The following PPP2R2C variants were observed in gnomAD, a reference collection of about 807,000 sequenced individuals.
PPP2R2C encodes protein phosphatase 2 regulatory subunit Bgamma.
A neutral mutation model predicts 45.3 loss-of-function variants in PPP2R2C; 10 were observed. That is an observed-to-expected ratio of 0.22 (90% CI 0.14 to 0.37). The LOEUF is 0.37. PPP2R2C is among the 10% of genes least tolerant of loss of function. PPP2R2C has a pLI of 1.00. For missense variants in PPP2R2C, 308 were observed against 619.7 expected (o/e 0.50, Z 5.34); for synonymous variants, 257 against 245.4 (o/e 1.05, Z -0.44).
chr4:6,414,702 G>T (rs1718449961), intron 1 of PPP2R2C, among the ~76,000 whole-genome samples: 1 of 152,004 alleles, frequency 6.6e-6, no homozygotes, highest in Non-Finnish European at 1.5e-5. Flanking sequence ...GGCTCCTAAT[G>T]TATCCACGAG....
At chr4:6,480,944 C>G (rs1356842581) in intron 2 of PPP2R2C, among the ~76,000 whole-genome samples, 1 of 152,176 alleles carries the variant, frequency 6.6e-6, no homozygotes, top group Non-Finnish European at 1.5e-5. Flanking sequence ...TTTGAATTTC[C>G]TCTTCGATGA....
intron 1 of PPP2R2C, chr4:6,420,979 T>C (rs1287086955): frequency 3.0e-6 from 3 of 985,090 alleles, no homozygotes; most frequent in Admixed American, 6.2e-5. Flanking sequence ...AGCCAAGAGC[T>C]TGGGCAGCTG....
chr4:6,463,467 C>T (rs1353829333), intron 1 of PPP2R2C, among the ~76,000 whole-genome samples: 1 of 152,222 alleles, frequency 6.6e-6, no homozygotes, highest in African/African-American at 2.4e-5. Flanking sequence ...AGCTGGGAAC[C>T]TCTGAGCAGC....
At chr4:6,340,455 C>G (rs1360334650) in intron 6 of PPP2R2C, among the ~76,000 whole-genome samples, 1 of 152,160 alleles carries the variant, frequency 6.6e-6, no homozygotes, top group Non-Finnish European at 1.5e-5. Context: ...TAGTCCCCTT[C>G]CTGTGGTCCC....
chr4:6,358,291 A>T (rs935359056), intron 5 of PPP2R2C, among the ~76,000 whole-genome samples: 1 of 152,258 alleles, frequency 6.6e-6, no homozygotes, highest in Admixed American at 6.5e-5. Flanking sequence ...ATATGTAGAA[A>T]GCTGAAACTG....
chr4:6,342,581 G>A (rs1733539586), intron 6 of PPP2R2C, among the ~76,000 whole-genome samples: 1 of 152,224 alleles, frequency 6.6e-6, no homozygotes, highest in East Asian at 1.9e-4. Flanking sequence ...CCGATTCTAA[G>A]AAATCAGGGT....
intron 1 of PPP2R2C, among the ~76,000 whole-genome samples, chr4:6,437,909 T>G (rs1719970305): frequency 6.6e-6 from 1 of 152,206 alleles, no homozygotes; most frequent in Admixed American, 6.5e-5. Context: ...ACTACAGGCC[T>G]TAGAAGGGAG....
intron 1 of PPP2R2C, among the ~76,000 whole-genome samples, chr4:6,406,364 T>C (rs115761567): frequency 0.01 from 1,536 of 152,356 alleles, 22 homozygotes; most frequent in African/African-American, 0.035. Flanking sequence ...TGATTTGTCT[T>C]CTTTGCTGCT....
At chr4:6,344,019 G>A (rs1359771067) in intron 6 of PPP2R2C, among the ~76,000 whole-genome samples, 1 of 152,238 alleles carries the variant, frequency 6.6e-6, no homozygotes, top group African/African-American at 2.4e-5. Context: ...AGCCGCCAGA[G>A]GTCAGCATGT....
At chr4:6,417,636 G>A (rs1449266481) in intron 1 of PPP2R2C, among the ~76,000 whole-genome samples, 2 of 152,250 alleles carry the variant, frequency 1.3e-5, no homozygotes, top group Non-Finnish European at 2.9e-5. Flanking sequence ...CTCCTGCTGA[G>A]GCTTTCGGGG....
intron 2 of PPP2R2C, among the ~76,000 whole-genome samples, chr4:6,480,269 T>C (rs1267130932): frequency 1.3e-5 from 2 of 152,250 alleles, no homozygotes; most frequent in African/African-American, 4.8e-5. Context: ...CTAAGCATTA[T>C]GTTTTCAGCT....
chr4:6,496,946 C>T (rs113670943), intron 2 of PPP2R2C, among the ~76,000 whole-genome samples: 3,600 of 151,998 alleles, frequency 0.024, 148 homozygotes, highest in African/African-American at 0.082. Flanking sequence ...TACGTATGGA[C>T]GGGGGTGGGA....
intron 1 of PPP2R2C, among the ~76,000 whole-genome samples, chr4:6,553,761 T>C (rs1408245503): frequency 2.0e-5 from 3 of 152,126 alleles, no homozygotes; most frequent in African/African-American, 7.2e-5. Context: ...ACCTTTTTTA[T>C]CAGATGTCAG....
At chr4:6,466,844 G>C (rs1351247067) in intron 1 of PPP2R2C, among the ~76,000 whole-genome samples, 1 of 152,216 alleles carries the variant, frequency 6.6e-6, no homozygotes, top group African/African-American at 2.4e-5. Flanking sequence ...ACCGTGCTCT[G>C]TGACTGCGCC....
At chr4:6,547,876 A>G (rs557663113) in intron 1 of PPP2R2C, among the ~76,000 whole-genome samples, 1 of 152,198 alleles carries the variant, frequency 6.6e-6, no homozygotes, top group Non-Finnish European at 1.5e-5. Flanking sequence ...TCAGATAAGC[A>G]CATAAAAAGA....
At chr4:6,381,134 GAA>G in intron 1 of PPP2R2C, 40 bp from the exon 2 acceptor site, 1 of 1,552,704 alleles carries the variant, frequency 6.4e-7, no homozygotes, top group Non-Finnish European at 8.7e-7. Flanking sequence ...GTGGCTGTCA[GAA>G]CCCGCCTCTC....
rs555151728 is a variant in PPP2R2C at position 6,459,801 on chromosome 4, A to C, written c.70+12359T>G. Among the ~76,000 whole-genome samples, 593 of 152,216 alleles carry C rather than the reference A, an allele frequency of 3.9e-3. 4 individuals are homozygous for C. The highest frequency in any genetic ancestry group is 0.013 in the African/African-American group (557 of 41,534). On this transcript the variant is annotated intron_variant, in intron 1 of 8. Transcript: ENST00000382599. ...GCCTCTGTCACACACACACAAAAAA[A>C]CAGCAATTTTTACCATAATATTGGC...
At chr4:6,527,406 C>T (rs1403447027) in intron 2 of PPP2R2C, among the ~76,000 whole-genome samples, 2 of 152,158 alleles carry the variant, frequency 1.3e-5, no homozygotes, top group South Asian at 2.1e-4. Flanking sequence ...GAACAGAACA[C>T]CCCTCTCTCT....
In PPP2R2C at chr4:6,332,997, T is replaced by C. The variant is rs145620542; in HGVS notation, c.960+565A>G. 1.2e-4 allele frequency among the ~76,000 whole-genome samples: 19 copies of C among 152,326 alleles called. 1 individual carries two copies. In the East Asian group the frequency reaches 3.7e-3, roughly 29 times the overall value. On this transcript the variant is annotated intron_variant, in intron 7 of 8. Transcript: ENST00000382599. This position sits in a 1 kb window ranked among gnomAD's most constrained non-coding sequence, Gnocchi z 4.9. ...TTTTAACATCACATGAGTTTTGTTG[T>C]CTACCCCCTAACATATCTGAATGGA...
Sources: allele counts gnomAD v4.1 joint callset (sites outside exome capture counted in the v4.1 genomes callset), GRCh38; gene constraint gnomAD v4.1.1; non-coding constraint Gnocchi (gnomAD v3.1); transcripts MANE v1.5; gene names NCBI Gene and HGNC (gene_info 2026-07-23, HGNC 2026-07-21).